Variants in SEC16B observed in about 807,000 individuals in gnomAD.
SEC16B encodes protein transport protein Sec16B.
A neutral mutation model predicts 141.8 loss-of-function variants in SEC16B; 115 were observed. The observed-to-expected ratio is 0.81, with a 90% confidence interval of 0.70 to 0.95. The LOEUF (loss-of-function observed/expected upper bound fraction) is 0.95, where lower values mean the gene tolerates loss of function less well. Ranked by LOEUF, SEC16B falls within the 40% of genes least tolerant of loss-of-function variation. The probability of loss-of-function intolerance (pLI) is 0.00; values close to 1 mark genes in which losing one functional copy is unlikely to be tolerated. For synonymous variants in SEC16B, 493 were observed against 492.5 expected (o/e 1.00, Z -0.01); for missense variants, 1,291 against 1,312.3 (o/e 0.98, Z 0.25).
rs924932922 is a variant in SEC16B at position 177,929,548 on chromosome 1, C to T, written c.*310G>A. 8.4e-6 allele frequency: 3 copies of T among 357,396 alleles called. No individual in the cohort carries two copies. Among genetic ancestry groups the T allele is most frequent in the Non-Finnish European group, 1.6e-5 (3 of 191,998 alleles). The allele number at this position is 357,396 out of a possible 1,614,324, so 22.1% of individuals were successfully genotyped here. A position where few individuals can be genotyped will look rare whatever the true frequency, so the allele number is the denominator to read the frequency against. On this transcript the variant is annotated 3_prime_UTR_variant, in exon 26 of 26. Transcript: ENST00000308284. ...ATTCTAGCTGTTAGGGCCCTAATTT[C>T]CCCAAGGCTCTCAAGCCACCACCAT...
intron 1 of SEC16B, among the ~76,000 whole-genome samples, chr1:177,968,247 A>G (rs1281217248): frequency 2.0e-5 from 3 of 152,242 alleles, no homozygotes; most frequent in Non-Finnish European, 2.9e-5. Context: ...ATTGCTTAAA[A>G]AATTAAAAAG....
intron 12 of SEC16B, among the ~76,000 whole-genome samples, chr1:177,950,079 C>A (rs893578651): frequency 6.6e-6 from 1 of 151,996 alleles, no homozygotes; most frequent in East Asian, 1.9e-4. Flanking sequence ...TACAAAATAG[C>A]CGGTTGATTT....
chr1:177,940,545 T>C, intron 17 of SEC16B, 65 bp downstream of exon 17: 1 of 1,150,864 alleles, frequency 8.7e-7, no homozygotes, highest in Non-Finnish European at 1.3e-6. Context: ...CTGTTCCATG[T>C]CTAGGGGTGG....
At position 177,960,280 on chromosome 1, in the gene SEC16B, C is replaced by A. The variant is rs1416358289; in HGVS notation, c.998+62G>T. ...AAGAACAAATCTCCAAAATGCTGAT[C>A]TGGGCAGGAAGATTTTCTAGGTTTC... On this transcript the variant is annotated intron_variant, in intron 8 of 25. Coordinates refer to ENST00000308284, the MANE Select transcript of SEC16B (RefSeq NM_033127.4). The A allele has an allele frequency of 7.4e-6, 8 of 1,075,208 alleles. No homozygotes were observed. The East Asian group carries it at 2.0e-4, about 26-fold the overall frequency. The allele number at this position is 1,075,208 out of a possible 1,614,324, so 66.6% of individuals were successfully genotyped here. A position where few individuals can be genotyped will look rare whatever the true frequency, so the allele number is the denominator to read the frequency against.
In SEC16B at chr1:177,941,899, C is replaced by T. The variant is rs1338250258; in HGVS notation, c.2022+1G>A. ...TGCACAGAACCCTTTGAGAGGCTCA[C>T]CTTGATGAGTTCCACTAATAGCACA... is the stretch of plus-strand genomic sequence containing the variant. On this transcript the variant is annotated splice_donor_variant, in intron 16 of 25. Coordinates refer to ENST00000308284, the MANE Select transcript of SEC16B (RefSeq NM_033127.4). LOFTEE classifies it high-confidence loss of function. 6.2e-7 allele frequency: 1 copy of T among 1,613,582 alleles called. No homozygotes were observed. The highest frequency in any genetic ancestry group is 8.5e-7 in the Non-Finnish European group (1 of 1,179,774).
At chr1:177,968,921 C>T (rs983232497) in intron 1 of SEC16B, among the ~76,000 whole-genome samples, 1 of 152,182 alleles carries the variant, frequency 6.6e-6, no homozygotes, top group East Asian at 1.9e-4. Context: ...TTTTCCCCCA[C>T]GTAATCCTGA....
chr1:177,932,500 G>A lies in SEC16B; in HGVS notation c.3002C>T (p.Ser1001Phe). Residue 1001 changes from serine to phenylalanine, a missense_variant, in exon 24 of 26, where the codon TCT (serine) becomes TTT (phenylalanine). Ser to Phe is a radical substitution (Grantham distance 155). Coordinates refer to ENST00000308284, the MANE Select transcript of SEC16B (RefSeq NM_033127.4). ...AAAGAGVGGLSGPESVSFELC... is the reference protein window; with the variant it reads ...AAAGAGVGGLFGPESVSFELC... Reference sequence around the variant, plus strand: ...AGGGGGGCCGCTTACCTCTGGTCCAGACAAGCCTCCAACCCCAGCGCCCGC... The same window carrying A: ...AGGGGGGCCGCTTACCTCTGGTCCAAACAAGCCTCCAACCCCAGCGCCCGC... 2 of 1,545,588 alleles carry A rather than the reference G, an allele frequency of 1.3e-6. No homozygotes were observed. Among genetic ancestry groups the A allele is most frequent in the African/African-American group, 1.4e-5 (1 of 72,918 alleles).
chr1:177,930,848 A>G (rs1650364049), intron 24 of SEC16B, among the ~76,000 whole-genome samples: 1 of 152,234 alleles, frequency 6.6e-6, no homozygotes, highest in South Asian at 2.1e-4. Flanking sequence ...TTCAACATCA[A>G]TAATCATCAG....
intron 9 of SEC16B, 140 bp downstream of exon 9, chr1:177,958,700 T>G (rs1652820608): frequency 1.0e-5 from 11 of 1,077,744 alleles, no homozygotes; most frequent in Non-Finnish European, 1.4e-5. Context: ...GCATTGACAT[T>G]TGAGCAATTT....
At chr1:177,946,630 G>T in intron 13 of SEC16B, 99 bp from the exon 14 acceptor site, 1 of 847,678 alleles carries the variant, frequency 1.2e-6, no homozygotes. Flanking sequence ...TGGCCTCGGG[G>T]GTCAGAGGGG....
At chr1:177,969,084 C>A (rs531892420) in intron 1 of SEC16B, among the ~76,000 whole-genome samples, 8 of 152,196 alleles carry the variant, frequency 5.3e-5, no homozygotes, top group Non-Finnish European at 8.8e-5. Flanking sequence ...CATCCACAGG[C>A]TAGGTCGGCC....
chr1:177,936,153 A>G (rs917729228), intron 20 of SEC16B, 145 bp downstream of exon 20: 7 of 669,126 alleles, frequency 1.0e-5, no homozygotes, highest in East Asian at 5.5e-5. Flanking sequence ...AGGAGTTGGA[A>G]TAGGAAAAGG....
intron 9 of SEC16B, 26 bp downstream of exon 9, chr1:177,958,813 CT>C (rs1652830850): frequency 6.3e-7 from 1 of 1,597,352 alleles, no homozygotes; most frequent in Non-Finnish European, 8.5e-7. Context: ...CAGCCTGCAC[CT>C]GCTCTCCCAC....
At chr1:177,947,756 A>AGGGACAGGGAGGGGAGGTGAGGGGC in intron 13 of SEC16B, 69 bp downstream of exon 13, 1 of 663,148 alleles carries the variant, frequency 1.5e-6, no homozygotes, top group Non-Finnish European at 2.4e-6. Flanking sequence ...AGGTGAGGAA[A>AGGGACAGGGAGGGGAGGTGAGGGGC]GGGACAGGGA....
At position 177,967,699 on chromosome 1, in the gene SEC16B, T is replaced by G. The variant is rs1283609390; in HGVS notation, c.283A>C (p.Asn95His). 2 of 1,601,896 alleles carry G rather than the reference T, an allele frequency of 1.2e-6. No homozygotes were observed. The highest frequency in any genetic ancestry group is 1.7e-5 in the Admixed American group (1 of 59,524). Reference protein sequence around the residue: ...GVDYYEGGYRNQLYSRPGYEN... With the variant: ...GVDYYEGGYRHQLYSRPGYEN... ...AAGCCATACCTTGAATACAACTGAT[T>G]GCGATAACCACCTTCGTAATAGTCA... is the stretch of plus-strand genomic sequence containing the variant. The change falls in exon 2 of 26, where the codon AAT (asparagine) becomes CAT (histidine). Residue 95 changes from asparagine to histidine, a missense_variant. By Grantham distance (68) the Asn-to-His change is moderately conservative. Around this residue, in one of 3 missense-constraint regions of SEC16B, gnomAD observed 681 missense variants for 675.5 expected, o/e 1.01. Coordinates refer to ENST00000308284, the MANE Select transcript of SEC16B (RefSeq NM_033127.4).
At position 177,967,829 on chromosome 1, in the gene SEC16B, G is replaced by A. The variant is rs778407468; in HGVS notation, c.153C>T (p.Asp51=). Residue 51 remains aspartate (D), a synonymous_variant, in exon 2 of 26, where the codon GAC becomes GAT. Transcript: ENST00000308284. ...HNGERFHQWQ[D]NRGSPQPQQE... is the part of the protein sequence containing the mutation. Reference sequence around the variant, plus strand: ...GCTGTGGCTGGGGGCTCCCACGGTTGTCTTGCCATTGGTGAAACCTCTCTC... The same window carrying A: ...GCTGTGGCTGGGGGCTCCCACGGTTATCTTGCCATTGGTGAAACCTCTCTC... The A allele has an allele frequency of 6.2e-7, 1 of 1,614,010 alleles. No homozygotes were observed. Among genetic ancestry groups the A allele is most frequent in the South Asian group, 1.1e-5 (1 of 91,078 alleles).
At chr1:177,947,768 G>C in intron 13 of SEC16B, 57 bp downstream of exon 13, 1 of 1,047,802 alleles carries the variant, frequency 9.5e-7, no homozygotes, top group Non-Finnish European at 1.4e-6. Context: ...GGACAGGGAG[G>C]GGAGGGGAGG....
At chr1:177,975,106 G>C (rs552592422), upstream of SEC16B, among the ~76,000 whole-genome samples, 1 of 152,308 alleles carries the variant, frequency 6.6e-6, no homozygotes, top group South Asian at 2.1e-4. Context: ...ATGACGGTTT[G>C]GAATGGCCAG....
intron 1 of SEC16B, among the ~76,000 whole-genome samples, chr1:177,983,441 A>G (rs1654502131): frequency 6.6e-6 from 1 of 152,164 alleles, no homozygotes; most frequent in East Asian, 1.9e-4. Context: ...CTGTTCGTCA[A>G]TAAGTTAACC....
Sources: allele counts gnomAD v4.1 joint callset (sites outside exome capture counted in the v4.1 genomes callset), GRCh38; gene constraint gnomAD v4.1.1; regional missense constraint gnomAD v4.1.1; transcripts MANE v1.5; gene names NCBI Gene and HGNC (gene_info 2026-07-23, HGNC 2026-07-21).